The following ZNF786 variants were observed in gnomAD, a reference collection of about 807,000 sequenced individuals.
ZNF786 encodes zinc finger protein 786.
A neutral mutation model predicts 63.1 loss-of-function variants in ZNF786; 56 were observed. The observed-to-expected ratio is 0.89, with a 90% CI of 0.72 to 1.11. The LOEUF (loss-of-function observed/expected upper bound fraction) is 1.11, where lower values mean the gene tolerates loss of function less well. ZNF786 is among the 50% of genes least tolerant of loss of function. The probability of loss-of-function intolerance (pLI) is 0.00; values close to 1 mark genes in which losing one functional copy is unlikely to be tolerated. For missense variants in ZNF786, 1,213 were observed against 1,041.8 expected (o/e 1.16, Z -2.26); for synonymous variants, 485 against 406.9 (o/e 1.19, Z -2.31).
In ZNF786 at chr7:149,071,155, G is replaced by A; in HGVS notation, c.1617C>T (p.Cys539=). 6.2e-7 allele frequency: 1 copy of A among 1,604,802 alleles called. No individual in the cohort carries two copies. The highest frequency in any genetic ancestry group is 8.5e-7 in the Non-Finnish European group (1 of 1,176,686). ...RVHSGERPFQ[C]LKCDKRFRLK... ...GGCGGAAGCGCTTGTCGCACTTCAG[G>A]CACTGGAAGGGCCTCTCCCCGCTGT... The change falls in exon 4 of 4, where the codon TGC becomes TGT. Residue 539 remains cysteine (C), a synonymous_variant. Transcript: ENST00000491431.
intron 1 of ZNF786, chr7:149,081,214 G>C (rs1228116878): frequency 4.4e-6 from 2 of 454,420 alleles, no homozygotes; most frequent in East Asian, 1.4e-4. Flanking sequence ...GAGGCGGGCA[G>C]ATCACGAGGT....
rs1481243844 is a variant in ZNF786, at chr7:149,071,128, C to G, written c.1644G>C (p.Leu548=). 1 of 1,611,742 alleles carries G rather than the reference C, an allele frequency of 6.2e-7. No individual in the cohort carries two copies. Among genetic ancestry groups the G allele is most frequent in the South Asian group, 1.1e-5 (1 of 91,008 alleles). ...QCLKCDKRFR[L]KGILKAHQHT... is the part of the protein sequence containing the mutation. ...GCTGGTGGGCCTTCAGGATGCCCTT[C>G]AGGCGGAAGCGCTTGTCGCACTTCA... Residue 548 remains leucine, a synonymous_variant, in exon 4 of 4, where the codon CTG becomes CTC. Transcript: ENST00000491431.
chr7:149,073,814 A>G (rs1180109200), intron 3 of ZNF786, among the ~76,000 whole-genome samples: 1 of 132,798 alleles, frequency 7.5e-6, no homozygotes, highest in Non-Finnish European at 1.6e-5. Context: ...TGAGACTGAG[A>G]CTTGCTCCAT....
Position 149,071,439 on chromosome 7 carries a change from G to C in ZNF786, c.1333C>G (p.Arg445Gly), listed in dbSNP as rs370684734. 3.7e-5 allele frequency: 60 copies of C among 1,611,598 alleles called. No homozygotes were observed. Among genetic ancestry groups the C allele is most frequent in the Non-Finnish European group, 4.6e-5 (54 of 1,179,426 alleles). ...AAAGGCTTCTCTCCGCTGTGGACTC[G>C]AATGTGCTCCGTGAGTTTACACTGC... Reference protein sequence around the residue: ...AKQCKLTEHIRVHSGEKPFRC... With the variant: ...AKQCKLTEHIGVHSGEKPFRC... Residue 445 changes from arginine to glycine, a missense_variant, in exon 4 of 4, where the codon CGA (arginine) becomes GGA (glycine). By Grantham distance (125) the Arg-to-Gly change is moderately radical. Coordinates refer to ENST00000491431, the MANE Select transcript of ZNF786 (RefSeq NM_152411.4).
intron 3 of ZNF786, among the ~76,000 whole-genome samples, chr7:149,072,769 G>A (rs1019187825): frequency 7.2e-5 from 11 of 152,332 alleles, no homozygotes; most frequent in African/African-American, 2.2e-4. Context: ...TGTCCACTGT[G>A]TAACCTTTGT....
rs1446326332 is a variant in ZNF786, at chr7:149,071,800, G to C, written c.972C>G (p.Ala324=). 1 of 1,585,252 alleles carries C rather than the reference G, an allele frequency of 6.3e-7. No homozygotes were observed. The part of the protein sequence containing the change: ...RRCQHSREGP[A]SWREGRGASS... ...AGGCCCCGCGGCCTTCTCTCCAAGA[G>C]GCCGGCCCCTCCCGGCTGTGCTGGC... Residue 324 remains alanine (A), a synonymous_variant, in exon 4 of 4, where the codon GCC becomes GCG. Transcript: ENST00000491431.
At chr7:149,085,628 C>G (rs1825723452) in intron 1 of ZNF786, among the ~76,000 whole-genome samples, 1 of 152,072 alleles carries the variant, frequency 6.6e-6, no homozygotes, top group Admixed American at 6.6e-5. Flanking sequence ...TAGTTTTTTT[C>G]TAATTGTCAT....
chr7:149,071,791 T>C lies in ZNF786; in HGVS notation c.981A>G (p.Arg327=). The change falls in exon 4 of 4, where the codon AGA becomes AGG. Residue 327 remains arginine, a synonymous_variant. Coordinates refer to ENST00000491431, the MANE Select transcript of ZNF786 (RefSeq NM_152411.4). The stretch of plus-strand genomic sequence containing the variant: ...CACTGCTGGAGGCCCCGCGGCCTTC[T>C]CTCCAAGAGGCCGGCCCCTCCCGGC... ...QHSREGPASW[R]EGRGASSSVH... 1 of 1,582,686 alleles carries C rather than the reference T, an allele frequency of 6.3e-7. No homozygotes were observed. Among genetic ancestry groups the C allele is most frequent in the Non-Finnish European group, 8.6e-7 (1 of 1,169,408 alleles).
rs1297407549 is a variant in ZNF786, at chr7:149,070,462, G to A, written c.2310C>T (p.Leu770=). ...CCTCTATCATTGCAAACAGTTGGCTGAGCCTTTTCTTAATGTCCAGTTCAT... is the reference window on the plus strand; with the variant it reads ...CCTCTATCATTGCAAACAGTTGGCTAAGCCTTTTCTTAATGTCCAGTTCAT... ...APNELDIKKR[L]SQLFAMIEAD... The change falls in exon 4 of 4, where the codon CTC becomes CTT. Residue 770 remains leucine (L), a synonymous_variant. Transcript: ENST00000491431. The A allele has an allele frequency of 1.2e-6, 2 of 1,613,950 alleles. No homozygotes were observed. Among genetic ancestry groups the A allele is most frequent in the East Asian group, 2.2e-5 (1 of 44,884 alleles).
intron 3 of ZNF786, among the ~76,000 whole-genome samples, chr7:149,073,736 T>TGG: frequency 1.5e-5 from 1 of 67,716 alleles, no homozygotes; most frequent in Admixed American, 1.7e-4. Context: ...TGTGTGTGTG[T>TGG]GTGTGTGTGT....
chr7:149,070,491 GAGC>G lies in ZNF786; in HGVS notation c.2278_2280del (p.Ala760del), dbSNP rs760218943. The G allele has an allele frequency of 3.7e-6, 6 of 1,614,004 alleles. No individual in the cohort carries two copies. Among genetic ancestry groups the G allele is most frequent in the Non-Finnish European group, 4.2e-6 (5 of 1,179,898 alleles). ...CTTTTCTTAATGTCCAGTTCATTTG[GAGC>G]AGGACAGGATTTTGTGTGTACTCTG... On this transcript the variant is annotated inframe_deletion, in exon 4 of 4. Coordinates refer to ENST00000491431, the MANE Select transcript of ZNF786 (RefSeq NM_152411.4).
At chr7:149,089,437 T>C (rs911763556) in intron 1 of ZNF786, among the ~76,000 whole-genome samples, 3 of 152,024 alleles carry the variant, frequency 2.0e-5, no homozygotes, top group African/African-American at 7.2e-5. Flanking sequence ...TACCTCAGCC[T>C]CCCGAGGAGC....
At chr7:149,090,519 T>C (rs528009903) in intron 1 of ZNF786, 104 bp downstream of exon 1, 2 of 1,287,456 alleles carry the variant, frequency 1.6e-6, no homozygotes, top group South Asian at 3.7e-5. Flanking sequence ...GTCCTACCCG[T>C]GCACCGCGCG....
chr7:149,078,352 T>C (rs988397428), intron 2 of ZNF786, among the ~76,000 whole-genome samples: 5 of 152,186 alleles, frequency 3.3e-5, no homozygotes, highest in Non-Finnish European at 5.9e-5. Flanking sequence ...TTTTCAGTTA[T>C]ATGTTTTAGA....
At chr7:149,087,589 G>A (rs1355313103) in intron 1 of ZNF786, among the ~76,000 whole-genome samples, 1 of 152,098 alleles carries the variant, frequency 6.6e-6, no homozygotes, top group Admixed American at 6.6e-5. Context: ...AACAGAACTG[G>A]GCTGCATAGA....
At chr7:149,074,360 C>CG in intron 3 of ZNF786, 26 bp downstream of exon 3, 1 of 1,610,958 alleles carries the variant, frequency 6.2e-7, no homozygotes, top group Non-Finnish European at 8.5e-7. Flanking sequence ...GTCTCAAGGT[C>CG]GGGGCCCTGA....
chr7:149,077,498 G>A (rs1262628970), intron 2 of ZNF786, among the ~76,000 whole-genome samples: 4 of 152,174 alleles, frequency 2.6e-5, no homozygotes, highest in Non-Finnish European at 2.9e-5. Flanking sequence ...CGTGGTGGCG[G>A]GCGCCTGTAG....
Position 149,071,901 on chromosome 7 carries a change from G to C in ZNF786, c.871C>G (p.Gln291Glu), listed in dbSNP as rs538623823. 44 of 1,604,662 alleles carry C rather than the reference G, an allele frequency of 2.7e-5. 2 individuals are homozygous for C. The South Asian group carries it at 4.6e-4, about 17-fold the overall frequency. Residue 291 changes from glutamine to glutamate, a missense_variant, in exon 4 of 4, where the codon CAG becomes GAG. By Grantham distance (29) the Gln-to-Glu change is conservative (BLOSUM62 2). Transcript: ENST00000491431. ...LTHPSHRLPQ[Q>E]GEKPAQCTPC... is the part of the protein sequence containing the mutation. ...GTGCACTGGGCAGGCTTCTCCCCCT[G>C]CTGCGGGAGGCGGTGGCTGGGATGG...
chr7:149,071,530 G>C lies in ZNF786; in HGVS notation c.1242C>G (p.Val414=). 1 of 1,613,276 alleles carries C rather than the reference G, an allele frequency of 6.2e-7. No individual in the cohort carries two copies. Among genetic ancestry groups the C allele is most frequent in the African/African-American group, 1.3e-5 (1 of 75,078 alleles). Residue 414 remains valine, a synonymous_variant, in exon 4 of 4, where the codon GTC becomes GTG. Coordinates refer to ENST00000491431, the MANE Select transcript of ZNF786 (RefSeq NM_152411.4). ...TCTCCCCACCGTGCGCGTGCTGGTG[G>C]ACCTGCAGCAGGCGGCGCAGGCGGA... ...KRFRLRRLLQ[V]HQHAHGGERP...
Sources: gnomAD v4.1 joint callset for allele counts (sites outside exome capture counted in the v4.1 genomes callset) on GRCh38, gnomAD v4.1.1 for gene constraint, MANE v1.5 for transcripts, NCBI Gene and HGNC (gene_info 2026-07-23, HGNC 2026-07-21) for gene names.